The following PLEKHG1 variants were observed in gnomAD, a reference collection of about 807,000 sequenced individuals.
PLEKHG1 encodes pleckstrin homology domain-containing family G member 1.
A neutral mutation model predicts 100.8 loss-of-function variants in PLEKHG1; 44 were observed. That is an observed-to-expected ratio of 0.44 (90% CI 0.34 to 0.56). The LOEUF (loss-of-function observed/expected upper bound fraction) is 0.56, where lower values mean the gene tolerates loss of function less well. Among genes scored for constraint, PLEKHG1 ranks in the 20% least tolerant of loss-of-function variants. The probability of loss-of-function intolerance (pLI) is 0.01; values close to 1 mark genes in which losing one functional copy is unlikely to be tolerated. For synonymous variants in PLEKHG1, 640 were observed against 662.5 expected (o/e 0.97, Z 0.52); for missense variants, 1,545 against 1,720.9 (o/e 0.90, Z 1.81).
intron 15 of PLEKHG1, among the ~76,000 whole-genome samples, chr6:150,833,871 C>T (rs746655662): frequency 3.3e-4 from 50 of 152,170 alleles, no homozygotes; most frequent in Non-Finnish European, 4.1e-4. Flanking sequence ...ATTATCAGCA[C>T]ATTGGGACAG....
intron 15 of PLEKHG1, among the ~76,000 whole-genome samples, chr6:150,835,798 C>A (rs1256338144): frequency 6.6e-6 from 1 of 152,100 alleles, no homozygotes; most frequent in Non-Finnish European, 1.5e-5. Context: ...CAAGCTGAAA[C>A]AAAAAGCCCC....
At chr6:150,725,784 G>A (rs1781933965) in intron 1 of PLEKHG1, among the ~76,000 whole-genome samples, 1 of 150,790 alleles carries the variant, frequency 6.6e-6, no homozygotes, top group South Asian at 2.1e-4. Context: ...TTTCTTAGAG[G>A]CTTTATGGTT....
chr6:150,787,402 A>G (rs192249761), intron 4 of PLEKHG1, among the ~76,000 whole-genome samples: 3 of 152,216 alleles, frequency 2.0e-5, no homozygotes, highest in African/African-American at 4.8e-5. Context: ...CCTTTCCTAC[A>G]TTGCTTTCTC....
At chr6:150,795,561 T>C (rs1277027364) in intron 4 of PLEKHG1, among the ~76,000 whole-genome samples, 1 of 150,640 alleles carries the variant, frequency 6.6e-6, no homozygotes, top group Non-Finnish European at 1.5e-5. Flanking sequence ...GTGAAAGACA[T>C]TGAAATCCAC....
At chr6:150,784,594 T>C (rs1337977914) in intron 3 of PLEKHG1, among the ~76,000 whole-genome samples, 1 of 152,200 alleles carries the variant, frequency 6.6e-6, no homozygotes, top group Non-Finnish European at 1.5e-5. Flanking sequence ...ATTAGGATGG[T>C]GTTGAAGAAA....
chr6:150,626,578 C>T (rs1335970813), intron 1 of PLEKHG1, among the ~76,000 whole-genome samples: 3 of 152,192 alleles, frequency 2.0e-5, no homozygotes, highest in East Asian at 1.9e-4. Flanking sequence ...TTTTCTGATG[C>T]TTTAAGGGCT....
At chr6:150,724,321 G>A (rs982364855) in intron 1 of PLEKHG1, among the ~76,000 whole-genome samples, 20 of 152,194 alleles carry the variant, frequency 1.3e-4, no homozygotes, top group Admixed American at 1.0e-3. Flanking sequence ...GAGGAGGCTG[G>A]GAAATGTGCT....
chr6:150,647,432 G>A (rs1778550718), intron 2 of PLEKHG1, among the ~76,000 whole-genome samples: 1 of 152,130 alleles, frequency 6.6e-6, no homozygotes, highest in African/African-American at 2.4e-5. Context: ...CATGGTGATA[G>A]GTTGGTCTCC....
chr6:150,787,645 A>T (rs760686419), intron 4 of PLEKHG1, among the ~76,000 whole-genome samples: 1 of 152,258 alleles, frequency 6.6e-6, no homozygotes, highest in Non-Finnish European at 1.5e-5. Flanking sequence ...ATGTCGCTCC[A>T]GTCTGACCTG....
chr6:150,823,962 G>A (rs1380864334), intron 14 of PLEKHG1, among the ~76,000 whole-genome samples: 1 of 152,156 alleles, frequency 6.6e-6, no homozygotes, highest in Non-Finnish European at 1.5e-5. Context: ...TTACCTTAGG[G>A]TGTAATACCT....
chr6:150,830,591 G>A (rs77336375), exon 15 of PLEKHG1: 2 of 1,589,840 alleles, frequency 1.3e-6, no homozygotes, highest in East Asian at 4.5e-5. Context: ...GGTTTCTAGA[G>A]AGGAAGGATC....
chr6:150,777,270 G>A (rs982125370), intron 3 of PLEKHG1, among the ~76,000 whole-genome samples: 1 of 149,474 alleles, frequency 6.7e-6, no homozygotes, highest in African/African-American at 2.5e-5. Context: ...TGGTGCACAT[G>A]TGCGGTTGCA....
chr6:150,707,730 C>A (rs1254186660), intron 3 of PLEKHG1, among the ~76,000 whole-genome samples: 2 of 152,016 alleles, frequency 1.3e-5, no homozygotes, highest in East Asian at 3.9e-4. Flanking sequence ...AGAAATTAAA[C>A]CCTGTGTTGA....
At chr6:150,751,211 G>A (rs9478809) in intron 2 of PLEKHG1, among the ~76,000 whole-genome samples, 30,547 of 151,974 alleles carry the variant, frequency 0.2, 5,910 homozygotes, top group African/African-American at 0.51. Flanking sequence ...TTTACCTGAC[G>A]TGTCTTCATG....
intron 2 of PLEKHG1, among the ~76,000 whole-genome samples, chr6:150,642,397 T>C (rs1222627959): frequency 6.6e-6 from 1 of 152,198 alleles, no homozygotes; most frequent in Non-Finnish European, 1.5e-5. Flanking sequence ...ACGTGTAGAA[T>C]CTGCCAAAAC....
At chr6:150,630,245 A>G (rs1321188319) in intron 1 of PLEKHG1, among the ~76,000 whole-genome samples, 2 of 152,204 alleles carry the variant, frequency 1.3e-5, no homozygotes, top group Non-Finnish European at 2.9e-5. Context: ...GAGTGCTGTG[A>G]TATTGTATAT....
intron 7 of PLEKHG1, among the ~76,000 whole-genome samples, chr6:150,804,987 G>A (rs955893386): frequency 4.0e-5 from 6 of 151,120 alleles, no homozygotes; most frequent in African/African-American, 1.5e-4. Flanking sequence ...CCAGGCTGGA[G>A]TGCAATGGCA....
intron 1 of PLEKHG1, among the ~76,000 whole-genome samples, chr6:150,626,387 G>A (rs983041520): frequency 1.3e-5 from 2 of 152,148 alleles, no homozygotes; most frequent in African/African-American, 2.4e-5. Context: ...AGGAGAACTC[G>A]CCATGCTGAC....
chr6:150,703,143 C>T (rs6914631), intron 3 of PLEKHG1, among the ~76,000 whole-genome samples: 6 of 151,652 alleles, frequency 4.0e-5, no homozygotes, highest in Admixed American at 3.3e-4. Context: ...CAGGTTTTAG[C>T]CTCATAATAA....
Sources: gnomAD v4.1 joint callset for allele counts (sites outside exome capture counted in the v4.1 genomes callset) on GRCh38, gnomAD v4.1.1 for gene constraint, MANE v1.5 for transcripts, NCBI Gene and HGNC (gene_info 2026-07-23, HGNC 2026-07-21) for gene names.